SLC10A7: variants seen among roughly 807,000 people sequenced by gnomAD.
The protein encoded by SLC10A7 is sodium/bile acid cotransporter 7.
A neutral mutation model predicts 43.2 loss-of-function variants in SLC10A7; 29 were observed. That is an observed-to-expected ratio of 0.67 (90% CI 0.50 to 0.92). The LOEUF (loss-of-function observed/expected upper bound fraction) is 0.92, where lower values mean the gene tolerates loss of function less well. Ranked by LOEUF, SLC10A7 falls within the 40% of genes least tolerant of loss-of-function variation. The pLI, the probability that SLC10A7 is intolerant of heterozygous loss-of-function variation, is 0.00. For missense variants in SLC10A7, 295 were observed against 403.2 expected (o/e 0.73, Z 2.30); for synonymous variants, 152 against 144.8 (o/e 1.05, Z -0.35).
At chr4:146,300,967 C>T (rs1731120475) in intron 7 of SLC10A7, among the ~76,000 whole-genome samples, 2 of 152,098 alleles carry the variant, frequency 1.3e-5, no homozygotes, top group African/African-American at 4.8e-5. Context: ...ACATCTTACA[C>T]CCTACTCTTG....
At chr4:146,318,911 C>A (rs1338997873) in intron 6 of SLC10A7, among the ~76,000 whole-genome samples, 1 of 152,026 alleles carries the variant, frequency 6.6e-6, no homozygotes, top group Admixed American at 6.6e-5. Flanking sequence ...GTTCTACTTA[C>A]AACTATCTCC....
intron 5 of SLC10A7, among the ~76,000 whole-genome samples, chr4:146,348,430 G>C (rs2149738339): frequency 6.6e-6 from 1 of 152,318 alleles, no homozygotes; most frequent in South Asian, 2.1e-4. Context: ...CTAGTGGATA[G>C]CTGGGGTAGC....
At chr4:146,256,744 G>T (rs369487997) in intron 11 of SLC10A7, 2 of 1,177,588 alleles carry the variant, frequency 1.7e-6, no homozygotes, top group South Asian at 1.4e-5. Context: ...CTGGCTACTC[G>T]TATGGTTCCC....
intron 9 of SLC10A7, among the ~76,000 whole-genome samples, chr4:146,283,867 T>G (rs921904217): frequency 2.6e-5 from 4 of 152,110 alleles, no homozygotes; most frequent in South Asian, 4.2e-4. Context: ...AAGTGTATAA[T>G]GTACTCAGGG....
intron 5 of SLC10A7, among the ~76,000 whole-genome samples, chr4:146,367,766 G>C (rs1185828096): frequency 1.3e-5 from 2 of 152,048 alleles, no homozygotes; most frequent in Non-Finnish European, 2.9e-5. Flanking sequence ...TTATTCAGTA[G>C]TTATTTATAC....
At chr4:146,287,539 A>C (rs1455347729) in intron 9 of SLC10A7, among the ~76,000 whole-genome samples, 4 of 152,344 alleles carry the variant, frequency 2.6e-5, no homozygotes, top group South Asian at 2.1e-4. Flanking sequence ...GTGTGAGCCA[A>C]CTTTGAGTTA....
At chr4:146,422,599 T>A (rs922210413) in intron 5 of SLC10A7, among the ~76,000 whole-genome samples, 1 of 152,172 alleles carries the variant, frequency 6.6e-6, no homozygotes, top group Admixed American at 6.5e-5. Context: ...AACATAACTT[T>A]CTTGCAGAAA....
chr4:146,516,873 T>C lies in SLC10A7; in HGVS notation c.183+165A>G, dbSNP rs1375305430. Among the ~76,000 whole-genome samples, 3 of 152,150 alleles carry C rather than the reference T, an allele frequency of 2.0e-5. No homozygotes were observed. The highest frequency in any genetic ancestry group is 4.4e-5 in the Non-Finnish European group (3 of 68,022). On this transcript the variant is annotated intron_variant, in intron 2 of 11. Transcript: ENST00000335472. ...AACTGTACAGCTTTTATAATACACA[T>C]ATGTAGGAATGAAACACAAGTCCTT...
intron 5 of SLC10A7, among the ~76,000 whole-genome samples, chr4:146,378,727 TAAAA>T (rs1322230939): frequency 1.3e-5 from 2 of 152,146 alleles, no homozygotes; most frequent in East Asian, 3.8e-4. Flanking sequence ...CCAAACCAAA[TAAAA>T]CTAAAGTCAT....
At chr4:146,348,006 C>A (rs1396354411) in intron 5 of SLC10A7, among the ~76,000 whole-genome samples, 1 of 152,108 alleles carries the variant, frequency 6.6e-6, no homozygotes, top group Admixed American at 6.5e-5. Flanking sequence ...GATATAGACA[C>A]AAGAAAGGCT....
intron 5 of SLC10A7, among the ~76,000 whole-genome samples, chr4:146,357,778 G>A (rs1346884619): frequency 2.6e-5 from 4 of 152,128 alleles, no homozygotes; most frequent in Admixed American, 6.6e-5. Flanking sequence ...AAGAGTACCC[G>A]GAAGTGAGGC....
intron 6 of SLC10A7, among the ~76,000 whole-genome samples, chr4:146,323,530 T>C (rs558135761): frequency 1.8e-4 from 28 of 152,330 alleles, no homozygotes; most frequent in African/African-American, 4.8e-4. Flanking sequence ...AAAGATCACA[T>C]GGTTGCAGAT....
intron 4 of SLC10A7, among the ~76,000 whole-genome samples, chr4:146,447,641 T>C (rs1731217031): frequency 6.6e-6 from 1 of 152,028 alleles, no homozygotes; most frequent in Non-Finnish European, 1.5e-5. Context: ...GTAATCACAT[T>C]TGGTGAATAA....
intron 5 of SLC10A7, among the ~76,000 whole-genome samples, chr4:146,331,534 C>T (rs1287118510): frequency 1.3e-5 from 2 of 152,006 alleles, no homozygotes; most frequent in Non-Finnish European, 2.9e-5. Context: ...CCTGGGTAAC[C>T]CCCATTTTTA....
At chr4:146,259,574 C>T (rs988112738) in intron 10 of SLC10A7, among the ~76,000 whole-genome samples, 3 of 152,170 alleles carry the variant, frequency 2.0e-5, no homozygotes, top group Admixed American at 6.5e-5. Flanking sequence ...GCACTCCAGC[C>T]TAGGTGACAG....
intron 5 of SLC10A7, among the ~76,000 whole-genome samples, chr4:146,363,489 A>C (rs1736191901): frequency 6.6e-6 from 1 of 152,128 alleles, no homozygotes; most frequent in African/African-American, 2.4e-5. Flanking sequence ...ATCAATCTGC[A>C]CTATAGACCA....
intron 5 of SLC10A7, among the ~76,000 whole-genome samples, chr4:146,409,802 G>A (rs1728042783): frequency 6.6e-6 from 1 of 152,102 alleles, no homozygotes; most frequent in Admixed American, 6.6e-5. Context: ...TTAATGCTGT[G>A]TTGGATAGTT....
At chr4:146,342,543 G>C (rs1734339514) in intron 5 of SLC10A7, among the ~76,000 whole-genome samples, 1 of 151,550 alleles carries the variant, frequency 6.6e-6, no homozygotes, top group Non-Finnish European at 1.5e-5. Context: ...ATGTGAATTA[G>C]AAATACTAGT....
At chr4:146,426,901 A>G (rs1199192258) in intron 5 of SLC10A7, among the ~76,000 whole-genome samples, 1 of 152,214 alleles carries the variant, frequency 6.6e-6, no homozygotes, top group Non-Finnish European at 1.5e-5. Context: ...AAATAAACCT[A>G]TAACAAAACA....
Sources: gnomAD v4.1 joint callset for allele counts (sites outside exome capture counted in the v4.1 genomes callset) on GRCh38, gnomAD v4.1.1 for gene constraint, MANE v1.5 for transcripts, NCBI Gene and HGNC (gene_info 2026-07-23, HGNC 2026-07-21) for gene names.